The following SLC14A2 variants were observed in gnomAD, a reference collection of about 807,000 sequenced individuals.
SLC14A2 encodes the protein solute carrier family 14 member 2.
Under a neutral mutation model 104.6 loss-of-function variants are expected in SLC14A2, and 91 were observed. The observed-to-expected ratio is 0.87, with a 90% CI of 0.73 to 1.04. The LOEUF (loss-of-function observed/expected upper bound fraction) is 1.04. SLC14A2 is among the 50% of genes least tolerant of loss of function. The pLI is 0.00. For missense variants in SLC14A2, 1,189 were observed against 1,156.0 expected (o/e 1.03, Z -0.41); for synonymous variants, 476 against 466.4 (o/e 1.02, Z -0.27).
In SLC14A2 at chr18:45,668,018, G is replaced by A. The variant is rs958348611; in HGVS notation, c.1903G>A (p.Asp635Asn). The A allele has an allele frequency of 3.7e-6, 6 of 1,614,008 alleles. No individual in the cohort carries two copies. Among genetic ancestry groups the A allele is most frequent in the South Asian group, 1.1e-5 (1 of 91,074 alleles). ...STLTALILSQ[D>N]KSAIAAGFHG... ...CTTGACAGCCCTCATCCTGAGTCAGGACAAGTAAGTCCCAGAGGCTCAGGG... is the reference window on the plus strand; with the variant it reads ...CTTGACAGCCCTCATCCTGAGTCAGAACAAGTAAGTCCCAGAGGCTCAGGG... Residue 635 changes from aspartate (D) to asparagine (N), a missense_variant, in exon 14 of 20, where the codon GAC (aspartate) becomes AAC (asparagine). Coordinates refer to ENST00000255226, the MANE Select transcript of SLC14A2 (RefSeq NM_007163.4).
chr18:45,469,127 G>A (rs772120342), intron 1 of SLC14A2, among the ~76,000 whole-genome samples: 2 of 152,206 alleles, frequency 1.3e-5, no homozygotes, highest in African/African-American at 4.8e-5. Context: ...CATGAGAAAG[G>A]TGATTATGGT....
At chr18:45,540,452 T>G (rs2852278) in intron 2 of SLC14A2, among the ~76,000 whole-genome samples, 152,032 of 152,270 alleles carry the variant, frequency 1, 75,897 homozygotes, top group Middle Eastern at 1. Context: ...TTTATCATCT[T>G]CCAGAGTGGG....
At chr18:45,224,273 A>T (rs2084092307) in intron 1 of SLC14A2, among the ~76,000 whole-genome samples, 1 of 152,040 alleles carries the variant, frequency 6.6e-6, no homozygotes, top group Non-Finnish European at 1.5e-5. Context: ...GTCTCATAAC[A>T]CTCTTCTTCC....
intron 1 of SLC14A2, among the ~76,000 whole-genome samples, chr18:45,337,558 A>T (rs147294710): frequency 2.8e-4 from 43 of 152,264 alleles, no homozygotes; most frequent in African/African-American, 9.4e-4. Flanking sequence ...AAACCTGAAA[A>T]ACTGAATTCC....
chr18:45,401,940 G>A (rs759096838), intron 1 of SLC14A2, among the ~76,000 whole-genome samples: 62 of 152,326 alleles, frequency 4.1e-4, no homozygotes, highest in Admixed American at 7.2e-4. Context: ...TTCAGACCCT[G>A]TTAAGGTAAC....
chr18:45,269,418 T>G (rs2084627394), intron 1 of SLC14A2, among the ~76,000 whole-genome samples: 1 of 152,068 alleles, frequency 6.6e-6, no homozygotes, highest in African/African-American at 2.4e-5. Context: ...ATGGGGAGTG[T>G]AGCTAATAGT....
intron 2 of SLC14A2, among the ~76,000 whole-genome samples, chr18:45,567,895 A>G (rs975459501): frequency 1.2e-4 from 19 of 152,214 alleles, no homozygotes; most frequent in African/African-American, 4.3e-4. Context: ...GATGGTGAAG[A>G]TGTGCAGAAG....
At chr18:45,373,422 G>A (rs988278563) in intron 1 of SLC14A2, among the ~76,000 whole-genome samples, 2 of 152,148 alleles carry the variant, frequency 1.3e-5, no homozygotes, top group Admixed American at 1.3e-4. Flanking sequence ...TATTGCCCCA[G>A]ATACCTTCTC....
intron 1 of SLC14A2, among the ~76,000 whole-genome samples, chr18:45,422,212 T>C (rs1306113113): frequency 1.3e-5 from 2 of 152,132 alleles, no homozygotes; most frequent in African/African-American, 4.8e-5. Context: ...CACTGGGTAC[T>C]CTCAAGCAGG....
At chr18:45,681,405 G>A (rs2046307364) in intron 19 of SLC14A2, among the ~76,000 whole-genome samples, 2 of 152,230 alleles carry the variant, frequency 1.3e-5, no homozygotes. Context: ...GTTTTGGCAA[G>A]AGGGGGCATA....
rs1555685830 is a variant in SLC14A2 at position 45,426,730 on chromosome 18, C to CAT, written c.-124-56502_-124-56501insTA. On this transcript the variant is annotated intron_variant, in intron 1 of 20. Transcript: ENST00000586448. ...ACACACACACACACACACACACACACACATACATACACGCTTAATGGAAAA... is the reference window on the plus strand; with the variant it reads ...ACACACACACACACACACACACACACATACATACATACACGCTTAATGGAAAA... Among the ~76,000 whole-genome samples the CAT allele has an allele frequency of 9.9e-4, 149 of 150,142 alleles. 1 individual carries two copies. The highest frequency in any genetic ancestry group is 3.4e-3 in the Middle Eastern group (1 of 292).
intron 1 of SLC14A2, among the ~76,000 whole-genome samples, chr18:45,390,354 C>T (rs1031601649): frequency 6.6e-6 from 1 of 152,074 alleles, no homozygotes; most frequent in African/African-American, 2.4e-5. Context: ...TGTAGGGCTC[C>T]AAGAATGGGA....
chr18:45,527,319 G>A (rs999177033), intron 2 of SLC14A2, among the ~76,000 whole-genome samples: 2 of 152,166 alleles, frequency 1.3e-5, no homozygotes, highest in Non-Finnish European at 2.9e-5. Flanking sequence ...GACTTGAGAT[G>A]ATTAGGAGTA....
intron 16 of SLC14A2, among the ~76,000 whole-genome samples, chr18:45,671,381 T>C (rs868014845): frequency 2.0e-5 from 3 of 152,154 alleles, no homozygotes; most frequent in East Asian, 1.9e-4. Context: ...CAATGACTCA[T>C]ATGTTTTGTC....
chr18:45,231,192 TTTTA>T (rs1207226543), intron 1 of SLC14A2, among the ~76,000 whole-genome samples: 1 of 150,784 alleles, frequency 6.6e-6, no homozygotes, highest in Middle Eastern at 3.2e-3. Context: ...TTGATACTTT[TTTTA>T]TTTTTTATTT....
rs745744125 is a variant in SLC14A2 at position 45,589,837 on chromosome 18, G to GT, written c.-34-34794_-34-34793insT. 8.5e-5 allele frequency among the ~76,000 whole-genome samples: 13 copies of GT among 152,344 alleles called. No homozygotes were observed. In the East Asian group the frequency reaches 2.5e-3, roughly 29 times the overall value. ...GAGGGAAGTGGCAAGGCTGGGGCAG[G>GT]GAGGGGAGGAGGGAGGCGCTATTGA... On this transcript the variant is annotated intron_variant, in intron 2 of 20. Coordinates refer to the SLC14A2 transcript ENST00000586448.
chr18:45,667,130 TA>T, intron 13 of SLC14A2, 36 bp downstream of exon 13: 2 of 1,575,326 alleles, frequency 1.3e-6, no homozygotes, highest in Admixed American at 1.8e-5. Flanking sequence ...ACCCTGACCC[TA>T]AAAACTCACC....
At chr18:45,536,463 A>G (rs2043785125) in intron 2 of SLC14A2, among the ~76,000 whole-genome samples, 2 of 152,154 alleles carry the variant, frequency 1.3e-5, no homozygotes, top group Admixed American at 1.3e-4. Context: ...GATGGCCGGC[A>G]GTCCTTGGTG....
chr18:45,500,160 C>A (rs1001710999), intron 2 of SLC14A2, among the ~76,000 whole-genome samples: 1 of 152,196 alleles, frequency 6.6e-6, no homozygotes, highest in African/African-American at 2.4e-5. Context: ...AAAGATTATC[C>A]TTTGTAGAAA....
Sources: gnomAD v4.1 joint callset for allele counts (sites outside exome capture counted in the v4.1 genomes callset) on GRCh38, gnomAD v4.1.1 for gene constraint, MANE v1.5 for transcripts, NCBI Gene and HGNC (gene_info 2026-07-23, HGNC 2026-07-21) for gene names.